ZDHHC18: variants seen among roughly 807,000 people sequenced by gnomAD.
The protein encoded by ZDHHC18 is zDHHC palmitoyltransferase 18, also known as palmitoyltransferase ZDHHC18.
A neutral mutation model predicts 37.5 loss-of-function variants in ZDHHC18; 23 were observed. The ratio of observed to expected loss-of-function variants is 0.61; its 90% CI spans 0.44 to 0.87. The LOEUF is 0.87. ZDHHC18 is among the 40% of genes least tolerant of loss of function. ZDHHC18 has a pLI of 0.00. For synonymous variants in ZDHHC18, 185 were observed against 218.7 expected (o/e 0.85, Z 1.36); for missense variants, 406 against 525.6 (o/e 0.77, Z 2.22).
At chr1:26,840,729 A>G (rs2081634778) in intron 2 of ZDHHC18, among the ~76,000 whole-genome samples, 1 of 150,478 alleles carries the variant, frequency 6.6e-6, no homozygotes, top group African/African-American at 2.5e-5. Context: ...GGCGTGAGCC[A>G]TCATGTCCAG....
Position 26,853,938 on chromosome 1 carries a change from CAA to C in ZDHHC18, c.*97_*98del. 1 of 1,083,482 alleles carries C rather than the reference CAA, an allele frequency of 9.2e-7. No homozygotes were observed. The highest frequency in any genetic ancestry group is 1.4e-6 in the Non-Finnish European group (1 of 723,776). The allele number at this position is 1,083,482 out of a possible 1,614,324, so 67.1% of individuals were successfully genotyped here. A position where few individuals can be genotyped will look rare whatever the true frequency, so the allele number is the denominator to read the frequency against. On this transcript the variant is annotated 3_prime_UTR_variant, in exon 8 of 8. Coordinates refer to ENST00000374142, the MANE Select transcript of ZDHHC18 (RefSeq NM_032283.3). ...TTCCATCCAAGGGAAGCAGAACTGC[CAA>C]AGACTCAAGTCTTTTCATATTTATT...
rs1474934676 is a variant in ZDHHC18 at position 26,854,370 on chromosome 1, C to G, written c.*527C>G. On this transcript the variant is annotated 3_prime_UTR_variant, in exon 8 of 8. Transcript: ENST00000374142. The surrounding 1 kb of genome is among the most constrained non-coding windows in gnomAD (Gnocchi z 4.6). ...GGGATTTTTGGTGGGGTTTTCCCCC[C>G]TTTTTTATGGAGTTGGCCAATAGGA... 6.5e-6 allele frequency: 1 copy of G among 152,848 alleles called. No homozygotes were observed. Among genetic ancestry groups the G allele is most frequent in the African/African-American group, 2.4e-5 (1 of 41,408 alleles). 9.5% of individuals were successfully genotyped at this position (152,848 alleles called of 1,614,324 possible).
In ZDHHC18 at chr1:26,827,026, G is replaced by A. The variant is rs1418293980; in HGVS notation, c.222G>A (p.Pro74=). 2 of 1,290,318 alleles carry A rather than the reference G, an allele frequency of 1.6e-6. No homozygotes were observed. Among genetic ancestry groups the A allele is most frequent in the Non-Finnish European group, 2.0e-6 (2 of 1,020,316 alleles). The allele number at this position is 1,290,318 out of a possible 1,614,324, so 79.9% of individuals were successfully genotyped here. A position where few individuals can be genotyped will look rare whatever the true frequency, so the allele number is the denominator to read the frequency against. ...CACGGCGCAAGTGGGAGGTGTTCCC[G>A]GGTCGCAATCGCTTCTACTGCGGCG... ...RRPRRKWEVF[P]GRNRFYCGGR... is the part of the protein sequence containing the mutation. Residue 74 remains proline (P), a synonymous_variant, in exon 1 of 8, where the codon CCG becomes CCA. Transcript: ENST00000374142.
At chr1:26,832,373 T>C in intron 1 of ZDHHC18, 74 bp from the exon 2 acceptor site, 1 of 1,566,982 alleles carries the variant, frequency 6.4e-7, no homozygotes, top group Non-Finnish European at 8.7e-7. Flanking sequence ...TGACAGCGCC[T>C]GCCACGTGCT....
At chr1:26,840,160 C>G (rs1255846850) in intron 2 of ZDHHC18, among the ~76,000 whole-genome samples, 1 of 152,174 alleles carries the variant, frequency 6.6e-6, no homozygotes, top group Non-Finnish European at 1.5e-5. Flanking sequence ...GTTCCCCTCT[C>G]CCCTGAGGAA....
Position 26,850,629 on chromosome 1 carries a change from C to T in ZDHHC18, c.833+23C>T, listed in dbSNP as rs375201130. On this transcript the variant is annotated intron_variant, in intron 5 of 7. Coordinates refer to ENST00000374142, the MANE Select transcript of ZDHHC18 (RefSeq NM_032283.3). The surrounding 1 kb of genome is among the most constrained non-coding windows in gnomAD (Gnocchi z 6.1). ...AAGATATCCTTTGTCAGCTAGAGGA[C>T]ACTCCAGTGGGAACTGAGGTCCCTT... is the stretch of plus-strand genomic sequence containing the variant. 2.1e-4 allele frequency: 340 copies of T among 1,613,762 alleles called. No homozygotes were observed. The highest frequency in any genetic ancestry group is 2.8e-4 in the Non-Finnish European group (326 of 1,179,908).
At chr1:26,851,358 G>A (rs2081703283) in intron 6 of ZDHHC18, 127 bp downstream of exon 6, 2 of 848,524 alleles carry the variant, frequency 2.4e-6, no homozygotes, top group African/African-American at 1.7e-5. Context: ...CTTTTAAGCA[G>A]CCAGATGCCT....
At chr1:26,835,478 G>A (rs1377817169) in intron 2 of ZDHHC18, among the ~76,000 whole-genome samples, 1 of 152,100 alleles carries the variant, frequency 6.6e-6, no homozygotes, top group Non-Finnish European at 1.5e-5. Flanking sequence ...CGAGGCGGGC[G>A]GATCACAAGG....
In ZDHHC18 at chr1:26,848,603, C is replaced by G; in HGVS notation, c.497-5C>G. 6.2e-7 allele frequency: 1 copy of G among 1,608,274 alleles called. No homozygotes were observed. Among genetic ancestry groups the G allele is most frequent in the African/African-American group, 1.3e-5 (1 of 74,960 alleles). Reference sequence around the variant, plus strand: ...TTCCCCATCTTTCTCTCCTCCTTCCCTCAGACAACACAGGCAGTTCTACAT... The same window carrying G: ...TTCCCCATCTTTCTCTCCTCCTTCCGTCAGACAACACAGGCAGTTCTACAT... On this transcript the variant is annotated splice_region_variant and splice_polypyrimidine_tract_variant and intron_variant, in intron 2 of 7. Transcript: ENST00000374142.
chr1:26,851,329 C>T lies in ZDHHC18; in HGVS notation c.936+98C>T, dbSNP rs550731257. 3.5e-3 allele frequency: 4,059 copies of T among 1,170,474 alleles called. 20 individuals are homozygous for T. The highest frequency in any genetic ancestry group is 9.3e-3 in the South Asian group (746 of 80,562). 72.5% of individuals were successfully genotyped at this position (1,170,474 alleles called of 1,614,324 possible). On this transcript the variant is annotated intron_variant, in intron 6 of 7. Coordinates refer to ENST00000374142, the MANE Select transcript of ZDHHC18 (RefSeq NM_032283.3). ...GGCAGCCAAGCACAGTCCTGACTCA[C>T]GGACTGCTGGGATAATGCCTTTTAA...
chr1:26,856,595 G>C lies in ZDHHC18; in HGVS notation c.*2752G>C, dbSNP rs1337292585. On this transcript the variant is annotated 3_prime_UTR_variant, in exon 8 of 8. Transcript: ENST00000374142. This position sits in a 1 kb window ranked among gnomAD's most constrained non-coding sequence, Gnocchi z 5.2. ...CTTGGGTCTGTGCTGGTGGGGTCCT[G>C]GTATGCAGGGGCCACCGGTCACTAA... 6.1e-6 allele frequency: 1 copy of C among 163,238 alleles called. No individual in the cohort carries two copies. Among genetic ancestry groups the C allele is most frequent in the African/African-American group, 2.4e-5 (1 of 41,984 alleles). The allele number at this position is 163,238 out of a possible 1,614,324, so 10.1% of individuals were successfully genotyped here. A position where few individuals can be genotyped will look rare whatever the true frequency, so the allele number is the denominator to read the frequency against.
At chr1:26,844,202 G>A (rs1194778822) in intron 2 of ZDHHC18, among the ~76,000 whole-genome samples, 1 of 152,056 alleles carries the variant, frequency 6.6e-6, no homozygotes, top group African/African-American at 2.4e-5. Context: ...ACCATGCCCA[G>A]CTAATTTTTG....
At position 26,832,608 on chromosome 1, in the gene ZDHHC18, G is replaced by A. The variant is rs765590252; in HGVS notation, c.496+1G>A. On this transcript the variant is annotated splice_donor_variant, in intron 2 of 7. Coordinates refer to ENST00000374142, the MANE Select transcript of ZDHHC18 (RefSeq NM_032283.3). LOFTEE classifies it high-confidence loss of function. ...GCAGCCGCCCTGGAGAAACAGATCG[G>A]TGAGGTTTCTACTCCCAGCTGAAGC... 1.2e-6 allele frequency: 2 copies of A among 1,613,932 alleles called. No individual in the cohort carries two copies. The highest frequency in any genetic ancestry group is 1.7e-6 in the Non-Finnish European group (2 of 1,179,838).
chr1:26,830,094 C>T (rs76405493), intron 1 of ZDHHC18, among the ~76,000 whole-genome samples: 2 of 152,220 alleles, frequency 1.3e-5, no homozygotes, highest in African/African-American at 4.8e-5. Flanking sequence ...AGGGGAAGGG[C>T]TTCTCTGAAG....
chr1:26,856,437 G>A lies in ZDHHC18; in HGVS notation c.*2594G>A, dbSNP rs934575614. The A allele has an allele frequency of 3.2e-5, 9 of 282,484 alleles. No individual in the cohort carries two copies. Among genetic ancestry groups the A allele is most frequent in the Admixed American group, 7.6e-5 (2 of 26,324 alleles). The allele number at this position is 282,484 out of a possible 1,614,324, so 17.5% of individuals were successfully genotyped here. A position where few individuals can be genotyped will look rare whatever the true frequency, so the allele number is the denominator to read the frequency against. ...GGACTCCCCGCTAAGCAGAAGGATC[G>A]GGATATAGGGCAAGGCTAAAAGCCC... On this transcript the variant is annotated 3_prime_UTR_variant, in exon 8 of 8. Coordinates refer to ENST00000374142, the MANE Select transcript of ZDHHC18 (RefSeq NM_032283.3). The surrounding 1 kb of genome is among the most constrained non-coding windows in gnomAD (Gnocchi z 5.2).
intron 2 of ZDHHC18, among the ~76,000 whole-genome samples, chr1:26,844,378 G>T (rs1266919236): frequency 6.6e-6 from 1 of 152,186 alleles, no homozygotes; most frequent in Non-Finnish European, 1.5e-5. Context: ...ATTGTGTGTA[G>T]TTGACGATGG....
intron 2 of ZDHHC18, among the ~76,000 whole-genome samples, chr1:26,846,487 C>T (rs1033474128): frequency 6.7e-5 from 10 of 150,236 alleles, no homozygotes; most frequent in Non-Finnish European, 1.0e-4. Flanking sequence ...CCACCATGCC[C>T]GGCTGATTTT....
chr1:26,840,086 A>G (rs1302143856), intron 2 of ZDHHC18, among the ~76,000 whole-genome samples: 1 of 152,222 alleles, frequency 6.6e-6, no homozygotes, highest in Non-Finnish European at 1.5e-5. Flanking sequence ...GAGAGAAAGA[A>G]GCCTGGCTGC....
At chr1:26,841,038 G>A (rs544337487) in intron 2 of ZDHHC18, among the ~76,000 whole-genome samples, 6 of 152,152 alleles carry the variant, frequency 3.9e-5, no homozygotes, top group Admixed American at 1.3e-4. Context: ...GTGCAGTGGC[G>A]TGATCTCAGC....
Sources: gnomAD v4.1 joint callset for allele counts (sites outside exome capture counted in the v4.1 genomes callset) on GRCh38, gnomAD v4.1.1 for gene constraint, Gnocchi (gnomAD v3.1) non-coding constraint, MANE v1.5 for transcripts, NCBI Gene and HGNC (gene_info 2026-07-23, HGNC 2026-07-21) for gene names.